MANBA: variants seen among roughly 807,000 people sequenced by gnomAD.
MANBA encodes beta-mannosidase.
MANBA carries 83 observed loss-of-function variants against 111.1 expected under a neutral mutation model. The observed-to-expected ratio is 0.75, with a 90% CI of 0.63 to 0.90. The LOEUF (loss-of-function observed/expected upper bound fraction) is 0.90, where lower values mean the gene tolerates loss of function less well. Among genes scored for constraint, MANBA ranks in the 40% least tolerant of loss-of-function variants. The pLI is 0.00. For synonymous variants in MANBA, 370 were observed against 378.7 expected (o/e 0.98, Z 0.27); for missense variants, 1,036 against 1,069.0 (o/e 0.97, Z 0.43).
chr4:102,692,315 T>G (rs939294767), intron 5 of MANBA, among the ~76,000 whole-genome samples: 1 of 152,052 alleles, frequency 6.6e-6, no homozygotes, highest in Admixed American at 6.6e-5. Flanking sequence ...AGGAGAATTA[T>G]AGGGAAAGAA....
intron 4 of MANBA, chr4:102,722,669 G>T (rs368697819): frequency 1.7e-6 from 1 of 602,246 alleles, no homozygotes. Flanking sequence ...GCTTCAGGAA[G>T]AAAACTTAGA....
Position 102,631,925 on chromosome 4 carries a change from A to G in MANBA, c.*132T>C, listed in dbSNP as rs372249782. 22 of 792,798 alleles carry G rather than the reference A, an allele frequency of 2.8e-5. No homozygotes were observed. In the East Asian group the frequency reaches 3.4e-4, roughly 12 times the overall value. The allele number at this position is 792,798 out of a possible 1,614,324, so 49.1% of individuals were successfully genotyped here. A position where few individuals can be genotyped will look rare whatever the true frequency, so the allele number is the denominator to read the frequency against. ...TCAGTGTACAACTCTTCACAGAGCAATCGCTCAAATGCGTGGCAGCACGCA... is the reference window on the plus strand; with the variant it reads ...TCAGTGTACAACTCTTCACAGAGCAGTCGCTCAAATGCGTGGCAGCACGCA... On this transcript the variant is annotated 3_prime_UTR_variant, in exon 17 of 17. Transcript: ENST00000647097.
At chr4:102,701,106 T>G (rs1432454236) in intron 5 of MANBA, among the ~76,000 whole-genome samples, 2 of 152,212 alleles carry the variant, frequency 1.3e-5, no homozygotes, top group African/African-American at 4.8e-5. Flanking sequence ...CCCTTTACCA[T>G]TATGTAATGG....
chr4:102,695,612 T>C (rs1732671509), intron 5 of MANBA, among the ~76,000 whole-genome samples: 1 of 152,174 alleles, frequency 6.6e-6, no homozygotes, highest in African/African-American at 2.4e-5. Flanking sequence ...GATGTTCTCA[T>C]CACTTTGCAG....
intron 1 of MANBA, chr4:102,729,490 T>A: frequency 9.6e-7 from 1 of 1,045,114 alleles, no homozygotes. Flanking sequence ...CTCCTCTTCA[T>A]ACAGCTGCTT....
intron 9 of MANBA, among the ~76,000 whole-genome samples, chr4:102,669,849 G>A (rs1360083950): frequency 6.6e-6 from 1 of 152,112 alleles, no homozygotes; most frequent in African/African-American, 2.4e-5. Context: ...GCAAGGTGGT[G>A]AGCGCCTGTG....
chr4:102,736,770 T>G (rs1311868692), intron 1 of MANBA, among the ~76,000 whole-genome samples: 3 of 152,190 alleles, frequency 2.0e-5, no homozygotes, highest in African/African-American at 7.2e-5. Context: ...AGACTCACAC[T>G]GTGAATTTTT....
chr4:102,727,220 G>A (rs1461122095), intron 1 of MANBA: 4 of 427,782 alleles, frequency 9.4e-6, no homozygotes, highest in Non-Finnish European at 1.8e-5. Context: ...CCTGGAAGAT[G>A]CTAAATGATA....
chr4:102,632,482 AT>A (rs1304183534), intron 16 of MANBA, among the ~76,000 whole-genome samples: 1 of 152,262 alleles, frequency 6.6e-6, no homozygotes, highest in Non-Finnish European at 1.5e-5. Context: ...TTACCAAATT[AT>A]AATCACAAAT....
intron 4 of MANBA, among the ~76,000 whole-genome samples, chr4:102,719,791 C>T (rs1266080028): frequency 1.3e-5 from 2 of 152,228 alleles, no homozygotes; most frequent in African/African-American, 4.8e-5. Flanking sequence ...AGAATTCAGA[C>T]CCAAGACTCT....
At chr4:102,696,528 C>A (rs1427977204) in intron 5 of MANBA, among the ~76,000 whole-genome samples, 1 of 152,042 alleles carries the variant, frequency 6.6e-6, no homozygotes, top group Non-Finnish European at 1.5e-5. Flanking sequence ...ATAAAATATA[C>A]CCAAGTGTCG....
At chr4:102,714,805 C>T (rs565959104) in intron 4 of MANBA, among the ~76,000 whole-genome samples, 2 of 152,168 alleles carry the variant, frequency 1.3e-5, no homozygotes, top group Non-Finnish European at 2.9e-5. Context: ...GCACTGTGTC[C>T]TCACATGGTC....
chr4:102,682,161 A>G (rs1457248705), intron 7 of MANBA, among the ~76,000 whole-genome samples: 1 of 151,898 alleles, frequency 6.6e-6, no homozygotes, highest in East Asian at 1.9e-4. Flanking sequence ...AAAAAAAAAA[A>G]AAAAGTACTC....
intron 1 of MANBA, chr4:102,753,922 T>C (rs1723905286): frequency 2.3e-6 from 1 of 439,272 alleles, no homozygotes. Context: ...GAGAATCGCT[T>C]GAACCTGGGA....
chr4:102,698,196 T>C (rs1167008947), intron 5 of MANBA, among the ~76,000 whole-genome samples: 1 of 152,208 alleles, frequency 6.6e-6, no homozygotes, highest in Non-Finnish European at 1.5e-5. Flanking sequence ...CACTTTTTGA[T>C]GGGGTTGTTT....
chr4:102,680,729 T>C (rs900755046), intron 7 of MANBA, among the ~76,000 whole-genome samples: 1 of 152,238 alleles, frequency 6.6e-6, no homozygotes, highest in African/African-American at 2.4e-5. Context: ...ACTGGCCACA[T>C]ATGCAGCATC....
chr4:102,644,137 C>T (rs1465378962), intron 13 of MANBA, among the ~76,000 whole-genome samples: 2 of 152,196 alleles, frequency 1.3e-5, no homozygotes, highest in African/African-American at 2.4e-5. Flanking sequence ...GTTCCAGCAC[C>T]ACTTGTTGAA....
At chr4:102,759,139 T>TTTA (rs1553955974) in intron 1 of MANBA, among the ~76,000 whole-genome samples, 5 of 147,718 alleles carry the variant, frequency 3.4e-5, no homozygotes, top group African/African-American at 1.2e-4. Flanking sequence ...CTTTCTTTCT[T>TTTA]TTTTTTTTTT....
At chr4:102,644,242 T>C (rs920588152) in intron 13 of MANBA, among the ~76,000 whole-genome samples, 3 of 152,126 alleles carry the variant, frequency 2.0e-5, no homozygotes, top group African/African-American at 7.2e-5. Context: ...TCCCAAACTA[T>C]TAAAAATAGA....
Sources: allele counts gnomAD v4.1 joint callset (sites outside exome capture counted in the v4.1 genomes callset), GRCh38; gene constraint gnomAD v4.1.1; transcripts MANE v1.5; gene names NCBI Gene and HGNC (gene_info 2026-07-23, HGNC 2026-07-21).